The following GPR158 variants were observed in gnomAD, a reference collection of about 807,000 sequenced individuals.
The protein encoded by GPR158 is metabotropic glycine receptor.
Under a neutral mutation model 78.2 loss-of-function variants are expected in GPR158, and 30 were observed. The observed-to-expected ratio is 0.38, with a 90% CI of 0.29 to 0.52. The LOEUF (loss-of-function observed/expected upper bound fraction) is 0.52. Ranked by LOEUF, GPR158 falls within the 20% of genes least tolerant of loss-of-function variation. The probability of loss-of-function intolerance (pLI) is 0.83; values close to 1 mark genes in which losing one functional copy is unlikely to be tolerated. For missense variants in GPR158, 1,463 were observed against 1,523.5 expected (o/e 0.96, Z 0.66); for synonymous variants, 581 against 591.1 (o/e 0.98, Z 0.25).
At chr10:25,570,733 G>A (rs1836994823) in intron 6 of GPR158, among the ~76,000 whole-genome samples, 1 of 152,010 alleles carries the variant, frequency 6.6e-6, no homozygotes, top group Non-Finnish European at 1.5e-5. Flanking sequence ...TGGCCAACAT[G>A]GTGAAACCCC....
intron 2 of GPR158, among the ~76,000 whole-genome samples, chr10:25,235,539 C>T (rs188800643): frequency 2.0e-5 from 3 of 151,160 alleles, no homozygotes; most frequent in African/African-American, 7.3e-5. Flanking sequence ...CGTCATTCAT[C>T]GGGCAGTGTA....
At position 25,175,032 on chromosome 10, in the gene GPR158, A is replaced by G. The variant is rs916474939; in HGVS notation, c.-389A>G. 2.8e-4 allele frequency: 50 copies of G among 180,738 alleles called. No individual in the cohort carries two copies. In the Middle Eastern group the frequency reaches 7.2e-3, roughly 26 times the overall value. The allele number at this position is 180,738 out of a possible 1,614,324, so 11.2% of individuals were successfully genotyped here. A position where few individuals can be genotyped will look rare whatever the true frequency, so the allele number is the denominator to read the frequency against. ...CAGCGTCTTCGGCGGCCGCGGCGGC[A>G]GCAGCAGCAGCAGCTTCTGAACGCG... On this transcript the variant is annotated 5_prime_UTR_variant, in exon 1 of 11. Transcript: ENST00000376351. This position sits in a 1 kb window ranked among gnomAD's most constrained non-coding sequence, Gnocchi z 6.4.
chr10:25,443,554 CA>C (rs67094533), intron 4 of GPR158, among the ~76,000 whole-genome samples: 11,783 of 107,004 alleles, frequency 0.11, 692 homozygotes, highest in Non-Finnish European at 0.14. Context: ...GAGACTGTTT[CA>C]AAAAAAAAAA....
intron 8 of GPR158, among the ~76,000 whole-genome samples, chr10:25,593,285 C>G (rs1199889531): frequency 6.6e-6 from 1 of 151,876 alleles, no homozygotes; most frequent in Non-Finnish European, 1.5e-5. Flanking sequence ...TGATCATTTA[C>G]TTAGTAAATT....
intron 6 of GPR158, among the ~76,000 whole-genome samples, chr10:25,552,694 G>A (rs936727753): frequency 6.6e-5 from 10 of 152,146 alleles, no homozygotes; most frequent in African/African-American, 2.2e-4. Flanking sequence ...GTCAGATGAA[G>A]CCCTGGAAGC....
At chr10:25,277,792 A>G (rs1854205887) in intron 2 of GPR158, among the ~76,000 whole-genome samples, 1 of 152,166 alleles carries the variant, frequency 6.6e-6, no homozygotes, top group African/African-American at 2.4e-5. Context: ...AAACTGAACA[A>G]AGAAACCTCT....
intron 2 of GPR158, among the ~76,000 whole-genome samples, chr10:25,303,099 A>T (rs1353263364): frequency 6.6e-6 from 1 of 152,214 alleles, no homozygotes; most frequent in Non-Finnish European, 1.5e-5. Flanking sequence ...GTAAATGCTG[A>T]TAGTAATTTA....
intron 5 of GPR158, among the ~76,000 whole-genome samples, chr10:25,527,089 A>G (rs1220382635): frequency 7.7e-6 from 1 of 129,470 alleles, no homozygotes; most frequent in African/African-American, 3.3e-5. Context: ...TCAGGAAGCC[A>G]TGACAATTCT....
At chr10:25,201,553 G>T (rs1305177883) in intron 1 of GPR158, among the ~76,000 whole-genome samples, 1 of 152,126 alleles carries the variant, frequency 6.6e-6, no homozygotes, top group East Asian at 1.9e-4. Context: ...GCAGTGTTGT[G>T]AGTGGGCATC....
At chr10:25,316,913 A>ATG (rs1270505797) in intron 2 of GPR158, among the ~76,000 whole-genome samples, 1 of 79,800 alleles carries the variant, frequency 1.3e-5, no homozygotes, top group Non-Finnish European at 2.3e-5. Flanking sequence ...GTGTGTGTTT[A>ATG]TGTGTGTGTG....
intron 2 of GPR158, among the ~76,000 whole-genome samples, chr10:25,225,988 A>G (rs1490885151): frequency 6.6e-6 from 1 of 152,206 alleles, no homozygotes; most frequent in African/African-American, 2.4e-5. Context: ...GTGGGTTTAG[A>G]GTACTTTTCT....
chr10:25,336,347 T>A (rs1855206437), intron 2 of GPR158, among the ~76,000 whole-genome samples: 3 of 152,070 alleles, frequency 2.0e-5, no homozygotes, highest in African/African-American at 7.2e-5. Flanking sequence ...AAAGAATCAT[T>A]TACATTCTTC....
Position 25,598,378 on chromosome 10 carries a change from G to A in GPR158, c.2752G>A (p.Gly918Arg), listed in dbSNP as rs754866553. 1 of 1,614,046 alleles carries A rather than the reference G, an allele frequency of 6.2e-7. No individual in the cohort carries two copies. Among genetic ancestry groups the A allele is most frequent in the East Asian group, 2.2e-5 (1 of 44,872 alleles). Residue 918 changes from glycine (G) to arginine (R), a missense_variant, in exon 11 of 11, where the codon GGG becomes AGG. Gly to Arg is a moderately radical substitution (Grantham distance 125). Coordinates refer to ENST00000376351, the MANE Select transcript of GPR158 (RefSeq NM_020752.3). ...CAAGGAGAAGACTCTTGGATTAGCT[G>A]GGAAAACCCAAACAGCAGGTGTGGA... ...SAKEKTLGLA[G>R]KTQTAGVEER...
chr10:25,187,906 C>T (rs2130637481), intron 1 of GPR158, among the ~76,000 whole-genome samples: 1 of 152,276 alleles, frequency 6.6e-6, no homozygotes, highest in African/African-American at 2.4e-5. Flanking sequence ...CCCAAAATCT[C>T]CGTAAGCTGA....
At chr10:25,390,310 G>T (rs1291668808) in intron 2 of GPR158, among the ~76,000 whole-genome samples, 1 of 152,200 alleles carries the variant, frequency 6.6e-6, no homozygotes, top group African/African-American at 2.4e-5. Context: ...GGAGGGCTTA[G>T]AAGAAGACAG....
intron 4 of GPR158, among the ~76,000 whole-genome samples, chr10:25,455,542 A>C (rs971429331): frequency 1.3e-5 from 2 of 152,150 alleles, no homozygotes; most frequent in African/African-American, 4.8e-5. Flanking sequence ...AAAATAATCT[A>C]TGTTAGAGCA....
chr10:25,524,694 C>T (rs1391619399), intron 5 of GPR158, among the ~76,000 whole-genome samples: 3 of 152,070 alleles, frequency 2.0e-5, no homozygotes, highest in Non-Finnish European at 2.9e-5. Context: ...TAGAAGGAAA[C>T]ATAGATATAA....
chr10:25,335,836 T>C (rs867217586), intron 2 of GPR158, among the ~76,000 whole-genome samples: 2 of 152,020 alleles, frequency 1.3e-5, no homozygotes, highest in Non-Finnish European at 2.9e-5. Context: ...AAATTGCCAA[T>C]CAGAAATATG....
At chr10:25,229,900 G>A (rs1258401786) in intron 2 of GPR158, among the ~76,000 whole-genome samples, 1 of 152,184 alleles carries the variant, frequency 6.6e-6, no homozygotes. Flanking sequence ...CAGTAGGAGA[G>A]GAATTGAAGT....
Sources: gnomAD v4.1 joint callset for allele counts (sites outside exome capture counted in the v4.1 genomes callset) on GRCh38, gnomAD v4.1.1 for gene constraint, Gnocchi (gnomAD v3.1) non-coding constraint, MANE v1.5 for transcripts, NCBI Gene and HGNC (gene_info 2026-07-23, HGNC 2026-07-21) for gene names.